TPST2: variants seen among roughly 807,000 people sequenced by gnomAD.
The protein encoded by TPST2 is tyrosylprotein sulfotransferase 2.
Under a neutral mutation model 27.8 loss-of-function variants are expected in TPST2, and 16 were observed. That is an observed-to-expected ratio of 0.58 (90% confidence interval 0.39 to 0.88). TPST2 has a LOEUF of 0.88. TPST2 is among the 40% of genes least tolerant of loss of function. The probability of loss-of-function intolerance (pLI) is 0.00; values close to 1 mark genes in which losing one functional copy is unlikely to be tolerated. For synonymous variants in TPST2, 229 were observed against 231.7 expected (o/e 0.99, Z 0.10); for missense variants, 464 against 543.1 (o/e 0.85, Z 1.45).
chr22:26,526,028 C>T lies in TPST2; in HGVS notation c.*247G>A, dbSNP rs1047315777. 1 of 152,170 alleles carries T rather than the reference C, an allele frequency of 6.6e-6. No homozygotes were observed. Among genetic ancestry groups the T allele is most frequent in the Admixed American group, 6.5e-5 (1 of 15,272 alleles). 9.4% of individuals were successfully genotyped at this position (152,170 alleles called of 1,614,324 possible). ...TTCTTGAGGGGAAAAATATAAAATA[C>T]CTAAGTTTCAAAAGCCGGACTACTT... On this transcript the variant is annotated 3_prime_UTR_variant, in exon 7 of 7. Transcript: ENST00000338754.
intron 3 of TPST2, among the ~76,000 whole-genome samples, chr22:26,538,222 G>A (rs766658706): frequency 6.6e-6 from 1 of 152,250 alleles, no homozygotes; most frequent in South Asian, 2.1e-4. Context: ...GAGGTGAGGA[G>A]AACAGGGGAA....
At chr22:26,548,554 GAA>G (rs1926258244) in intron 1 of TPST2, among the ~76,000 whole-genome samples, 1 of 147,584 alleles carries the variant, frequency 6.8e-6, no homozygotes, top group Admixed American at 6.8e-5. Context: ...AGAAAAAAGA[GAA>G]AGAGAGAAGA....
intron 1 of TPST2, among the ~76,000 whole-genome samples, chr22:26,544,921 G>A (rs1926039178): frequency 6.6e-6 from 1 of 152,210 alleles, no homozygotes. Flanking sequence ...TGAAGTCTGA[G>A]CTAAGGCGCC....
At chr22:26,552,299 C>A (rs1194096081) in intron 1 of TPST2, among the ~76,000 whole-genome samples, 1 of 152,114 alleles carries the variant, frequency 6.6e-6, no homozygotes, top group South Asian at 2.1e-4. Flanking sequence ...TCTCCCTGTT[C>A]GTTGTCATTT....
chr22:26,536,498 G>A lies in TPST2; in HGVS notation c.843-12C>T. 1 of 1,507,610 alleles carries A rather than the reference G, an allele frequency of 6.6e-7. No individual in the cohort carries two copies. The highest frequency in any genetic ancestry group is 2.3e-5 in the Admixed American group (1 of 43,578). 93.4% of individuals were successfully genotyped at this position (1,507,610 alleles called of 1,614,324 possible). A position where few individuals can be genotyped will look rare whatever the true frequency, so the allele number is the denominator to read the frequency against. On this transcript the variant is annotated splice_polypyrimidine_tract_variant and intron_variant, in intron 3 of 6. Coordinates refer to ENST00000338754, the MANE Select transcript of TPST2 (RefSeq NM_003595.5). Reference sequence around the variant, plus strand: ...TGGACCGCTCGATCCTGGGGAGAGAGGAGACGCTGGAGAGGGTAGGGCAGA... The same window carrying A: ...TGGACCGCTCGATCCTGGGGAGAGAAGAGACGCTGGAGAGGGTAGGGCAGA...
chr22:26,536,426 C>T lies in TPST2; in HGVS notation c.903G>A (p.Trp301Ter). 6.4e-7 allele frequency: 1 copy of T among 1,572,660 alleles called. No individual in the cohort carries two copies. Among genetic ancestry groups the T allele is most frequent in the Non-Finnish European group, 8.6e-7 (1 of 1,157,548 alleles). ...KPVNLEALSK[W>*]TGHIPGDVVR... Reference sequence around the variant, plus strand: ...CCACATCCCCAGGGATGTGGCCAGTCCACTTGGAGAGCGCTTCCAGGTTAA... The same window carrying T: ...CCACATCCCCAGGGATGTGGCCAGTTCACTTGGAGAGCGCTTCCAGGTTAA... Residue 301 changes from tryptophan (W) to a stop codon, truncating the protein, a stop_gained, in exon 4 of 7, where the codon TGG (tryptophan) becomes TGA (stop). Transcript: ENST00000338754. LOFTEE classifies it high-confidence loss of function.
Position 26,541,520 on chromosome 22 carries a change from G to T in TPST2, c.111C>A (p.Gly37=), listed in dbSNP as rs147786767. 1.3e-3 allele frequency: 2,063 copies of T among 1,611,288 alleles called. 3 individuals carry two copies. Among genetic ancestry groups the T allele is most frequent in the Non-Finnish European group, 1.6e-3 (1,895 of 1,179,014 alleles). Residue 37 remains glycine (G), a synonymous_variant, in exon 3 of 7, where the codon GGC becomes GGA. Coordinates refer to ENST00000338754, the MANE Select transcript of TPST2 (RefSeq NM_003595.5). This position sits in a 1 kb window ranked among gnomAD's most constrained non-coding sequence, Gnocchi z 5.9. The stretch of plus-strand genomic sequence containing the variant: ...GCATGGCCCCCCGGGGGCTCCGCAG[G>T]CCCGCCAGCACCGCCCGGCACTCTA... ...QVLECRAVLA[G]LRSPRGAMRP...
At chr22:26,559,467 AC>A (rs1215484999) in intron 1 of TPST2, among the ~76,000 whole-genome samples, 1 of 147,620 alleles carries the variant, frequency 6.8e-6, no homozygotes. Flanking sequence ...TAGTACACTC[AC>A]AGAGTTTTCG....
chr22:26,566,893 T>C (rs1927403485), intron 1 of TPST2, among the ~76,000 whole-genome samples: 1 of 152,232 alleles, frequency 6.6e-6, no homozygotes, highest in South Asian at 2.1e-4. Context: ...CTCTGCACTA[T>C]AGACATTTGG....
At chr22:26,586,823 G>A (rs73163238) in intron 1 of TPST2, among the ~76,000 whole-genome samples, 2,775 of 152,302 alleles carry the variant, frequency 0.018, 33 homozygotes, top group Non-Finnish European at 0.025. Context: ...CTGTGAAAAC[G>A]CTGGGTTCTG....
At chr22:26,562,021 G>A (rs892119452) in intron 1 of TPST2, among the ~76,000 whole-genome samples, 1 of 152,188 alleles carries the variant, frequency 6.6e-6, no homozygotes, top group African/African-American at 2.4e-5. Context: ...TTGCTTCCTG[G>A]GTGCCAGCCG....
At chr22:26,568,457 A>AT (rs1027659335) in intron 1 of TPST2, among the ~76,000 whole-genome samples, 3 of 152,324 alleles carry the variant, frequency 2.0e-5, no homozygotes, top group Non-Finnish European at 2.9e-5. Flanking sequence ...CTTTCACAAG[A>AT]TACAGGTCGT....
At chr22:26,556,895 G>T (rs1926832354) in intron 1 of TPST2, among the ~76,000 whole-genome samples, 1 of 152,198 alleles carries the variant, frequency 6.6e-6, no homozygotes, top group South Asian at 2.1e-4. Context: ...ATATTGTGGA[G>T]CATGGTTTGC....
At chr22:26,548,238 A>T (rs1926232357) in intron 1 of TPST2, among the ~76,000 whole-genome samples, 1 of 151,590 alleles carries the variant, frequency 6.6e-6, no homozygotes, top group Non-Finnish European at 1.5e-5. Context: ...GCACTTTGGG[A>T]AGCCGAGGTG....
rs1185929894 is a variant in TPST2 at position 26,541,655 on chromosome 22, T to C, written c.-25A>G. ...TGCTGGGCCGGAGGCAGGGTAGGCC[T>C]GGCCTGAGGGCCCGCTTCTGGGGCT... On this transcript the variant is annotated 5_prime_UTR_variant, in exon 3 of 7. Transcript: ENST00000338754. This position sits in a 1 kb window ranked among gnomAD's most constrained non-coding sequence, Gnocchi z 5.9. 6.5e-7 allele frequency: 1 copy of C among 1,533,922 alleles called. No homozygotes were observed. Among genetic ancestry groups the C allele is most frequent in the Admixed American group, 2.0e-5 (1 of 49,768 alleles).
At chr22:26,581,941 T>C (rs1231343398) in intron 1 of TPST2, among the ~76,000 whole-genome samples, 1 of 152,178 alleles carries the variant, frequency 6.6e-6, no homozygotes, top group Non-Finnish European at 1.5e-5. Flanking sequence ...TAAATAAGCA[T>C]AGCTGTGTTC....
intron 4 of TPST2, among the ~76,000 whole-genome samples, chr22:26,533,504 G>C (rs943365066): frequency 1.3e-5 from 2 of 152,144 alleles, no homozygotes; most frequent in African/African-American, 2.4e-5. Flanking sequence ...GGAAAAATAG[G>C]TAGGCTAAGC....
chr22:26,585,865 A>G (rs1928323812), intron 1 of TPST2, among the ~76,000 whole-genome samples: 1 of 152,022 alleles, frequency 6.6e-6, no homozygotes, highest in South Asian at 2.1e-4. Context: ...CCTGGCTAAC[A>G]CGGGGAAACC....
At chr22:26,589,799 C>A (rs1030308846) in intron 1 of TPST2, among the ~76,000 whole-genome samples, 11 of 152,222 alleles carry the variant, frequency 7.2e-5, no homozygotes, top group Admixed American at 5.9e-4. Context: ...GTAACGGGGG[C>A]CCGGTGGATG....
Sources: allele counts gnomAD v4.1 joint callset (sites outside exome capture counted in the v4.1 genomes callset), GRCh38; gene constraint gnomAD v4.1.1; non-coding constraint Gnocchi (gnomAD v3.1); transcripts MANE v1.5; gene names NCBI Gene and HGNC (gene_info 2026-07-23, HGNC 2026-07-21).